The following ARHGAP39 variants were observed in gnomAD, a reference collection of about 807,000 sequenced individuals.
ARHGAP39 encodes the protein Rho GTPase activating protein 39, also known as rho GTPase-activating protein 39.
Under a neutral mutation model 106.9 loss-of-function variants are expected in ARHGAP39, and 44 were observed. That is an observed-to-expected ratio of 0.41 (90% confidence interval 0.32 to 0.53). ARHGAP39 has a LOEUF of 0.53. Ranked by LOEUF, ARHGAP39 falls within the 20% of genes least tolerant of loss-of-function variation. The probability of loss-of-function intolerance (pLI) is 0.21; values close to 1 mark genes in which losing one functional copy is unlikely to be tolerated. For missense variants in ARHGAP39, 1,496 were observed against 1,577.3 expected (o/e 0.95, Z 0.87); for synonymous variants, 768 against 693.2 (o/e 1.11, Z -1.69).
At chr8:144,622,407 C>T (rs2130969216) in intron 1 of ARHGAP39, among the ~76,000 whole-genome samples, 1 of 152,132 alleles carries the variant, frequency 6.6e-6, no homozygotes, top group East Asian at 1.9e-4. Context: ...CAGCCAAGTC[C>T]AAGGCTAAAC....
upstream of ARHGAP39, among the ~76,000 whole-genome samples, chr8:144,689,895 G>C (rs1822709562): frequency 6.6e-6 from 1 of 151,378 alleles, no homozygotes; most frequent in Non-Finnish European, 1.5e-5. Context: ...ACAGGCATGT[G>C]CCACCATGCC....
rs376243493 is a variant in ARHGAP39 at position 144,533,294 on chromosome 8, C to T, written c.2720G>A (p.Arg907Gln). 3.8e-5 allele frequency: 62 copies of T among 1,613,106 alleles called. No individual in the cohort carries two copies. The highest frequency in any genetic ancestry group is 4.7e-5 in the Non-Finnish European group (56 of 1,179,958). The part of the protein sequence containing the change: ...GLKKPNVEEI[R>Q]HAKNAVFSPS... ...GCTGAACACGGCGTTCTTGGCATGC[C>T]GGATCTCCTCCACGTTGGGCTTCTT... Residue 907 changes from arginine (R) to glutamine (Q), a missense_variant, in exon 9 of 12, where the codon CGG (arginine) becomes CAG (glutamine). Physicochemically the swap from Arg to Gln is conservative, Grantham distance 43. Around this residue, in one of 4 missense-constraint regions of ARHGAP39, gnomAD observed 470 missense variants for 605.1 expected, o/e 0.78. Transcript: ENST00000377307.
chr8:144,673,327 ACT>A (rs1407554520), intron 1 of ARHGAP39, among the ~76,000 whole-genome samples: 1 of 151,706 alleles, frequency 6.6e-6, no homozygotes, highest in Non-Finnish European at 1.5e-5. Flanking sequence ...CAGCCTTCTG[ACT>A]CTCACCTTGG....
At chr8:144,615,410 T>C (rs1292710497) in intron 1 of ARHGAP39, among the ~76,000 whole-genome samples, 1 of 152,136 alleles carries the variant, frequency 6.6e-6, no homozygotes, top group Non-Finnish European at 1.5e-5. Context: ...TGTCTGCCTA[T>C]ACTCAGCTCC....
chr8:144,672,795 C>G (rs1024795006), intron 1 of ARHGAP39, among the ~76,000 whole-genome samples: 7 of 152,358 alleles, frequency 4.6e-5, no homozygotes, highest in African/African-American at 7.2e-5. Flanking sequence ...AGCATCTTAT[C>G]TGCAGATAAG....
chr8:144,601,134 GTGCA>G (rs1819901017), intron 2 of ARHGAP39, among the ~76,000 whole-genome samples: 3 of 145,662 alleles, frequency 2.1e-5, no homozygotes, highest in African/African-American at 5.1e-5. Context: ...GCATGGAGGC[GTGCA>G]TGTGTGCTCG....
chr8:144,655,978 A>G (rs1214638687), intron 1 of ARHGAP39, among the ~76,000 whole-genome samples: 1 of 152,180 alleles, frequency 6.6e-6, no homozygotes, highest in Non-Finnish European at 1.5e-5. Flanking sequence ...ATCAAACAAA[A>G]CGATCAATCT....
chr8:144,546,788 A>G (rs1186268246), intron 5 of ARHGAP39, among the ~76,000 whole-genome samples: 3 of 152,098 alleles, frequency 2.0e-5, no homozygotes, highest in African/African-American at 4.8e-5. Context: ...GGCCCAGGCC[A>G]CGGCTCCGGT....
At chr8:144,650,016 G>T (rs532617748) in intron 1 of ARHGAP39, among the ~76,000 whole-genome samples, 1 of 151,924 alleles carries the variant, frequency 6.6e-6, no homozygotes, top group South Asian at 2.1e-4. Flanking sequence ...GGTGGTGCAC[G>T]CCTGTAATCC....
At chr8:144,627,463 G>A (rs1586624790) in intron 1 of ARHGAP39, among the ~76,000 whole-genome samples, 5 of 150,240 alleles carry the variant, frequency 3.3e-5, no homozygotes, top group Admixed American at 2.0e-4. Context: ...GCTGAGGCAG[G>A]AGAATGGCTT....
chr8:144,591,893 C>G lies in ARHGAP39; in HGVS notation c.81-10616G>C, dbSNP rs922038091. ...CGTCGCCTCGTGCCTGCGGGGAGTG[C>G]TGCCTGTGGGGAGTGGTGCCTGTGG... is the stretch of plus-strand genomic sequence containing the variant. On this transcript the variant is annotated intron_variant, in intron 2 of 11. Transcript: ENST00000377307. This position sits in a 1 kb window ranked among gnomAD's most constrained non-coding sequence, Gnocchi z 5.3. 2.0e-5 allele frequency among the ~76,000 whole-genome samples: 3 copies of G among 152,008 alleles called. No homozygotes were observed. Among genetic ancestry groups the G allele is most frequent in the African/African-American group, 7.2e-5 (3 of 41,392 alleles).
upstream of ARHGAP39, among the ~76,000 whole-genome samples, chr8:144,686,206 C>A (rs903983228): frequency 6.6e-6 from 1 of 152,134 alleles, no homozygotes; most frequent in Non-Finnish European, 1.5e-5. Context: ...TTTCACTTTT[C>A]TTCGACTCTA....
At chr8:144,621,027 AG>A (rs1279757305) in intron 1 of ARHGAP39, among the ~76,000 whole-genome samples, 4 of 152,376 alleles carry the variant, frequency 2.6e-5, no homozygotes, top group Admixed American at 6.5e-5. Context: ...ACATGGTTGG[AG>A]GGGGCCAGAC....
chr8:144,690,124 A>G (rs1299728430), upstream of ARHGAP39, among the ~76,000 whole-genome samples: 2 of 151,344 alleles, frequency 1.3e-5, no homozygotes, highest in Non-Finnish European at 2.9e-5. Context: ...TATTTTTAAG[A>G]TGGAGTTTCA....
intron 6 of ARHGAP39, among the ~76,000 whole-genome samples, chr8:144,539,658 G>A (rs1817112272): frequency 6.6e-6 from 1 of 152,194 alleles, no homozygotes; most frequent in Non-Finnish European, 1.5e-5. Flanking sequence ...CATCATCGAA[G>A]GAAAAGACTG....
At chr8:144,640,933 T>C (rs1821299206) in intron 1 of ARHGAP39, among the ~76,000 whole-genome samples, 1 of 152,242 alleles carries the variant, frequency 6.6e-6, no homozygotes, top group Non-Finnish European at 1.5e-5. Context: ...CTGTTCTAGT[T>C]GCTTTCATTT....
chr8:144,593,738 G>A (rs1164553471), intron 2 of ARHGAP39, among the ~76,000 whole-genome samples: 1 of 152,072 alleles, frequency 6.6e-6, no homozygotes, highest in Admixed American at 6.5e-5. Context: ...AGACTGCAGT[G>A]AGCCCTGATC....
intron 1 of ARHGAP39, among the ~76,000 whole-genome samples, chr8:144,659,896 C>A (rs182387812): frequency 6.6e-6 from 1 of 152,152 alleles, no homozygotes; most frequent in Non-Finnish European, 1.5e-5. Flanking sequence ...CCCCAGTCTC[C>A]GTTATAATCC....
chr8:144,618,660 T>A (rs998157273), intron 1 of ARHGAP39, among the ~76,000 whole-genome samples: 1 of 152,152 alleles, frequency 6.6e-6, no homozygotes, highest in Non-Finnish European at 1.5e-5. Context: ...CTGCCGGGGC[T>A]GCCGCCTGCT....
Sources: gnomAD v4.1 joint callset for allele counts (sites outside exome capture counted in the v4.1 genomes callset) on GRCh38, gnomAD v4.1.1 for gene constraint, gnomAD v4.1.1 regional missense constraint, Gnocchi (gnomAD v3.1) non-coding constraint, MANE v1.5 for transcripts, NCBI Gene and HGNC (gene_info 2026-07-23, HGNC 2026-07-21) for gene names.